NYAP2: variants seen among roughly 807,000 people sequenced by gnomAD.
The protein encoded by NYAP2 is neuronal tyrosine-phosphorylated phosphoinositide-3-kinase adaptor 2.
Under a neutral mutation model 50.4 loss-of-function variants are expected in NYAP2, and 23 were observed. The ratio of observed to expected loss-of-function variants is 0.46; its 90% CI spans 0.33 to 0.65. The LOEUF (loss-of-function observed/expected upper bound fraction) is 0.65. Ranked by LOEUF, NYAP2 falls within the 30% of genes least tolerant of loss-of-function variation. NYAP2 has a pLI of 0.02. For synonymous variants in NYAP2, 394 were observed against 365.2 expected (o/e 1.08, Z -0.90); for missense variants, 885 against 861.0 (o/e 1.03, Z -0.35).
At chr2:225,432,138 C>T (rs1035090415) in intron 3 of NYAP2, among the ~76,000 whole-genome samples, 1 of 149,432 alleles carries the variant, frequency 6.7e-6, no homozygotes, top group Non-Finnish European at 1.5e-5. Flanking sequence ...CCACCACGCC[C>T]GCCTAATTTT....
At chr2:225,672,464 ATCT>A in the NYAP2 span, among the ~76,000 whole-genome samples, 4 of 152,170 alleles carry the variant, frequency 2.6e-5, no homozygotes, top group African/African-American at 4.8e-5. Flanking sequence ...GGCTGGTTTA[ATCT>A]TCTACCCACA....
At chr2:225,697,419 A>G in the NYAP2 span, among the ~76,000 whole-genome samples, 1 of 152,002 alleles carries the variant, frequency 6.6e-6, no homozygotes, top group Non-Finnish European at 1.5e-5. Context: ...TATAGCAAAA[A>G]CTTCTTAGCA....
chr2:225,420,777 A>G (rs894523803), intron 3 of NYAP2, among the ~76,000 whole-genome samples: 6 of 151,508 alleles, frequency 4.0e-5, no homozygotes, highest in African/African-American at 1.5e-4. Context: ...TACCCGGCTA[A>G]TTTTTGTATT....
Position 225,525,333 on chromosome 2 carries a change from C to T in NYAP2, c.523+11661C>T, listed in dbSNP as rs555342848. ...TTACACACTTGTATGTTTATCGCAG[C>T]GCTATTCACAATAACAAAGATATGG... is the stretch of plus-strand genomic sequence containing the variant. On this transcript the variant is annotated intron_variant, in intron 4 of 6. Coordinates refer to ENST00000636099, the Ensembl canonical transcript of NYAP2. Among the ~76,000 whole-genome samples, 15 of 152,156 alleles carry T rather than the reference C, an allele frequency of 9.9e-5. No individual in the cohort carries two copies. The East Asian group carries it at 2.5e-3, about 25-fold the overall frequency.
rs1224362686 is a variant in NYAP2, at chr2:225,478,500, G to T, written c.222-34871G>T. ...ATATGGTCATAAATCTTGTGAGTTT[G>T]TGAGGAATCTTCTATATGCTACCTT... On this transcript the variant is annotated intron_variant, in intron 3 of 6. Coordinates refer to ENST00000636099, the Ensembl canonical transcript of NYAP2. 2.6e-5 allele frequency among the ~76,000 whole-genome samples: 4 copies of T among 152,196 alleles called. No homozygotes were observed. In the East Asian group the frequency reaches 7.7e-4, roughly 29 times the overall value.
intron 3 of NYAP2, among the ~76,000 whole-genome samples, chr2:225,503,679 G>T (rs1031124901): frequency 6.6e-6 from 1 of 152,126 alleles, no homozygotes; most frequent in South Asian, 2.1e-4. Context: ...CTTGGCAATA[G>T]CACTTCGTGA....
At chr2:225,449,684 C>G (rs1023114996) in intron 3 of NYAP2, among the ~76,000 whole-genome samples, 9 of 146,660 alleles carry the variant, frequency 6.1e-5, no homozygotes, top group Non-Finnish European at 1.0e-4. Context: ...TCTCAGCTCA[C>G]TGCAACCTCT....
At chr2:225,548,983 C>T (rs753297919) in intron 4 of NYAP2, among the ~76,000 whole-genome samples, 7 of 151,576 alleles carry the variant, frequency 4.6e-5, no homozygotes, top group African/African-American at 7.3e-5. Flanking sequence ...CTGGGTCAAG[C>T]GATCCTCCTG....
chr2:225,587,271 A>G (rs887676806), intron 5 of NYAP2, among the ~76,000 whole-genome samples: 1 of 152,226 alleles, frequency 6.6e-6, no homozygotes, highest in Non-Finnish European at 1.5e-5. Context: ...AAAGTACAAG[A>G]TCTACTGAAG....
intron 4 of NYAP2, among the ~76,000 whole-genome samples, chr2:225,538,489 G>C (rs896600719): frequency 6.6e-6 from 1 of 152,222 alleles, no homozygotes; most frequent in Non-Finnish European, 1.5e-5. Context: ...TGAGCTCTAT[G>C]TTGGCCCTTT....
chr2:225,629,422 G>C (rs1457922224), intron 6 of NYAP2, among the ~76,000 whole-genome samples: 1 of 152,140 alleles, frequency 6.6e-6, no homozygotes, highest in Non-Finnish European at 1.5e-5. Context: ...TGTTTTACTA[G>C]CTATCTGGGC....
intron 3 of NYAP2, among the ~76,000 whole-genome samples, chr2:225,420,613 T>G (rs1695198893): frequency 3.9e-4 from 2 of 5,132 alleles, no homozygotes; most frequent in South Asian, 3.0e-3. Flanking sequence ...TTTCTTTTCT[T>G]TTTTTTTTTT....
chr2:225,590,102 G>A (rs1183503844), intron 5 of NYAP2, among the ~76,000 whole-genome samples: 1 of 152,212 alleles, frequency 6.6e-6, no homozygotes, highest in Non-Finnish European at 1.5e-5. Flanking sequence ...GTTCTGGCAG[G>A]ATCCAGACCT....
rs143271125 is a variant in NYAP2, at chr2:225,471,832, A to G, written c.222-41539A>G. Among the ~76,000 whole-genome samples, 589 of 152,336 alleles carry G rather than the reference A, an allele frequency of 3.9e-3. 5 individuals are homozygous for G. Among genetic ancestry groups the G allele is most frequent in the African/African-American group, 0.013 (556 of 41,592 alleles). ...TAGCTCTGCCTTCAAAGCCATATTCAGCTATCTCTCTGTGACAGCTAAAAT... is the reference window on the plus strand; with the variant it reads ...TAGCTCTGCCTTCAAAGCCATATTCGGCTATCTCTCTGTGACAGCTAAAAT... On this transcript the variant is annotated intron_variant, in intron 3 of 6. Transcript: ENST00000636099.
intron 4 of NYAP2, among the ~76,000 whole-genome samples, chr2:225,516,045 C>T (rs895151939): frequency 7.9e-5 from 12 of 152,108 alleles, no homozygotes; most frequent in African/African-American, 2.9e-4. Flanking sequence ...TCAGAAAAGC[C>T]GCCTTCGTGG....
intron 3 of NYAP2, among the ~76,000 whole-genome samples, chr2:225,478,160 T>C (rs1359379452): frequency 6.6e-6 from 1 of 152,090 alleles, no homozygotes; most frequent in Non-Finnish European, 1.5e-5. Flanking sequence ...ACACTTAGTA[T>C]AGAGATGCTG....
chr2:225,560,309 T>C (rs1173880006), intron 4 of NYAP2, among the ~76,000 whole-genome samples: 1 of 152,142 alleles, frequency 6.6e-6, no homozygotes, highest in Non-Finnish European at 1.5e-5. Context: ...TTAATTTAGA[T>C]ATACAATATT....
intron 6 of NYAP2, among the ~76,000 whole-genome samples, chr2:225,627,886 C>T (rs1235917487): frequency 1.3e-5 from 2 of 152,156 alleles, no homozygotes; most frequent in Non-Finnish European, 2.9e-5. Context: ...CCTGTAGTTT[C>T]AGGTTTCTAT....
chr2:225,597,514 T>TATATATATATATATATATATAC (rs1559225758), intron 5 of NYAP2, among the ~76,000 whole-genome samples: 1 of 98,078 alleles, frequency 1.0e-5, no homozygotes, highest in Non-Finnish European at 2.3e-5. Flanking sequence ...CAAGGAGAAA[T>TATATATATATATATATATATAC]ATATATATAT....
Sources: gnomAD v4.1 joint callset for allele counts (sites outside exome capture counted in the v4.1 genomes callset) on GRCh38, gnomAD v4.1.1 for gene constraint, MANE v1.5 for transcripts, NCBI Gene and HGNC (gene_info 2026-07-23, HGNC 2026-07-21) for gene names.